The following FOXP1 variants were observed in gnomAD, a reference collection of about 807,000 sequenced individuals.
FOXP1 encodes forkhead box protein P1.
In FOXP1, 15 loss-of-function variants were observed where a neutral mutation model predicts 98.2. That is an observed-to-expected ratio of 0.15 (90% CI 0.10 to 0.24). The LOEUF is 0.24. Ranked by LOEUF, FOXP1 falls within the 10% of genes least tolerant of loss-of-function variation. FOXP1 has a pLI of 1.00. For missense variants in FOXP1, 633 were observed against 848.5 expected (o/e 0.75, Z 3.15); for synonymous variants, 371 against 314.5 (o/e 1.18, Z -1.90).
chr3:71,061,311 C>T (rs1193200639), intron 7 of FOXP1, among the ~76,000 whole-genome samples: 1 of 152,132 alleles, frequency 6.6e-6, no homozygotes, highest in Non-Finnish European at 1.5e-5. Context: ...ACCCTTTTGC[C>T]CCAAGAGAGC....
chr3:71,514,790 G>A (rs1400916392), intron 2 of FOXP1, among the ~76,000 whole-genome samples: 1 of 152,110 alleles, frequency 6.6e-6, no homozygotes, highest in Admixed American at 6.5e-5. Context: ...CAATGCTCTC[G>A]CCCACTGGGC....
rs1344371244 is a variant in FOXP1, at chr3:71,093,118, G to A, written c.282+19418C>T. ...TCTACTAAAAATACAAAAATTAGCCGGGCATAGTGGCACACGCCTCAGCTA... is the reference window on the plus strand; with the variant it reads ...TCTACTAAAAATACAAAAATTAGCCAGGCATAGTGGCACACGCCTCAGCTA... On this transcript the variant is annotated intron_variant, in intron 7 of 20. Coordinates refer to ENST00000649528, the MANE Select transcript of FOXP1 (RefSeq NM_001349338.3). 5.3e-5 allele frequency among the ~76,000 whole-genome samples: 8 copies of A among 151,664 alleles called. No homozygotes were observed. The East Asian group carries it at 5.9e-4, about 11-fold the overall frequency.
At chr3:71,337,823 C>T (rs2076778652) in intron 4 of FOXP1, among the ~76,000 whole-genome samples, 1 of 152,308 alleles carries the variant, frequency 6.6e-6, no homozygotes, top group South Asian at 2.1e-4. Flanking sequence ...TATCATTAAA[C>T]ATTTATTAGA....
At chr3:71,451,606 A>G (rs947393925) in intron 3 of FOXP1, among the ~76,000 whole-genome samples, 2 of 152,200 alleles carry the variant, frequency 1.3e-5, no homozygotes, top group African/African-American at 4.8e-5. Context: ...AATTAAATAC[A>G]ATTTAACCTG....
At chr3:71,507,104 T>G (rs556846148) in intron 2 of FOXP1, among the ~76,000 whole-genome samples, 1 of 152,314 alleles carries the variant, frequency 6.6e-6, no homozygotes, top group African/African-American at 2.4e-5. Context: ...TGCCAGTCCT[T>G]CATGGTACCA....
intron 11 of FOXP1, among the ~76,000 whole-genome samples, chr3:71,028,110 A>G (rs2046377408): frequency 6.6e-6 from 1 of 152,206 alleles, no homozygotes. Flanking sequence ...ACAAAACCAG[A>G]GCCCTGATGA....
intron 9 of FOXP1, 27 bp downstream of exon 9, chr3:71,052,510 T>C (rs767848907): frequency 1.1e-6 from 1 of 951,276 alleles, no homozygotes; most frequent in South Asian, 1.3e-5. Context: ...ATCTGTGGTT[T>C]GAAAGTAAAA....
intron 5 of FOXP1, among the ~76,000 whole-genome samples, chr3:71,234,986 T>A (rs2066652747): frequency 6.6e-6 from 1 of 152,190 alleles, no homozygotes; most frequent in Non-Finnish European, 1.5e-5. Context: ...TCATCTCACA[T>A]CTAATACCCT....
Position 71,357,338 on chromosome 3 carries a change from G to T in FOXP1, c.-73+1812C>A, listed in dbSNP as rs1008579958. 3.3e-5 allele frequency among the ~76,000 whole-genome samples: 5 copies of T among 152,098 alleles called. No homozygotes were observed. The East Asian group carries it at 9.6e-4, about 29-fold the overall frequency. On this transcript the variant is annotated intron_variant, in intron 4 of 20. Coordinates refer to ENST00000649528, the MANE Select transcript of FOXP1 (RefSeq NM_001349338.3). ...ATGGCACTTTCAGTAAGAATATTGT[G>T]GTCTTAAAATATTTACTGAGCTGTA...
chr3:71,290,888 G>T (rs1251606657), intron 5 of FOXP1, among the ~76,000 whole-genome samples: 2 of 152,072 alleles, frequency 1.3e-5, no homozygotes, highest in Non-Finnish European at 2.9e-5. Flanking sequence ...AAATATTTCT[G>T]GTCCCAAGCA....
At chr3:71,067,119 A>G (rs553536201) in intron 7 of FOXP1, among the ~76,000 whole-genome samples, 1 of 135,316 alleles carries the variant, frequency 7.4e-6, no homozygotes, top group East Asian at 2.3e-4. Context: ...GGAGGTGACA[A>G]AAGAGAGAGG....
intron 6 of FOXP1, among the ~76,000 whole-genome samples, chr3:71,162,181 G>A (rs2061171415): frequency 6.6e-6 from 1 of 152,174 alleles, no homozygotes. Flanking sequence ...TTAAAATTCT[G>A]CTGAACAGGT....
At chr3:71,383,815 A>C (rs1349373966) in intron 3 of FOXP1, among the ~76,000 whole-genome samples, 1 of 152,250 alleles carries the variant, frequency 6.6e-6, no homozygotes, top group East Asian at 1.9e-4. Context: ...AGTTGGTAAC[A>C]GAAACCAGAA....
chr3:70,989,847 T>C (rs1054926877), intron 13 of FOXP1, among the ~76,000 whole-genome samples: 1 of 152,184 alleles, frequency 6.6e-6, no homozygotes, highest in Admixed American at 6.5e-5. Flanking sequence ...CTTGTACCAC[T>C]AAGTGTGGTA....
rs142221379 is a variant in FOXP1 at position 71,348,439 on chromosome 3, T to C, written c.-73+10711A>G. Among the ~76,000 whole-genome samples the C allele has an allele frequency of 8.5e-3, 1,292 of 152,128 alleles. 11 individuals carry two copies. The highest frequency in any genetic ancestry group is 0.014 in the Non-Finnish European group (929 of 67,980). ...GGAGTGGGAGGCTGTTGGTGTTTCA[T>C]CTTTTCCACCCACTAGTCTTCAACA... On this transcript the variant is annotated intron_variant, in intron 4 of 20. Coordinates refer to ENST00000649528, the MANE Select transcript of FOXP1 (RefSeq NM_001349338.3).
At chr3:71,062,792 T>TA (rs1228504251) in intron 7 of FOXP1, among the ~76,000 whole-genome samples, 4 of 152,244 alleles carry the variant, frequency 2.6e-5, no homozygotes, top group Non-Finnish European at 5.9e-5. Flanking sequence ...TAAAGCCCAT[T>TA]ACTTTCCTTC....
chr3:71,232,942 TACCACCACC>T (rs752937811), intron 5 of FOXP1, among the ~76,000 whole-genome samples: 2 of 135,938 alleles, frequency 1.5e-5, no homozygotes, highest in Non-Finnish European at 3.1e-5. Context: ...ACAATACTAC[TACCACCACC>T]ACCACCACCA....
intron 7 of FOXP1, among the ~76,000 whole-genome samples, chr3:71,089,904 G>A (rs371315366): frequency 1.3e-5 from 2 of 152,192 alleles, no homozygotes; most frequent in African/African-American, 4.8e-5. Context: ...TGAAGTCCAT[G>A]GCAAAGTGGG....
chr3:71,334,433 C>T (rs1425634046), intron 4 of FOXP1: 1 of 151,968 alleles, frequency 6.6e-6, no homozygotes, highest in African/African-American at 2.4e-5. Context: ...GTAGGAATCC[C>T]TGGAGAGGAA....
Sources: gnomAD v4.1 joint callset for allele counts (sites outside exome capture counted in the v4.1 genomes callset) on GRCh38, gnomAD v4.1.1 for gene constraint, MANE v1.5 for transcripts, NCBI Gene and HGNC (gene_info 2026-07-23, HGNC 2026-07-21) for gene names.